The following UBR2 variants were observed in gnomAD, a reference collection of about 807,000 sequenced individuals.
UBR2 encodes the protein ubiquitin protein ligase E3 component n-recognin 2.
UBR2 carries 92 observed loss-of-function variants against 247.9 expected under a neutral mutation model. That is an observed-to-expected ratio of 0.37 (90% CI 0.31 to 0.44). The LOEUF is 0.44. Ranked by LOEUF, UBR2 falls within the 20% of genes least tolerant of loss-of-function variation. The pLI is 1.00. For missense variants in UBR2, 1,613 were observed against 2,112.6 expected (o/e 0.76, Z 4.64); for synonymous variants, 672 against 693.5 (o/e 0.97, Z 0.49).
intron 26 of UBR2, among the ~76,000 whole-genome samples, chr6:42,657,737 T>C (rs565451515): frequency 6.6e-6 from 1 of 152,358 alleles, no homozygotes; most frequent in South Asian, 2.1e-4. Flanking sequence ...ACACCACTTA[T>C]TTTTAGCTGA....
chr6:42,615,008 T>A, intron 8 of UBR2, 63 bp from the exon 9 acceptor site: 2 of 1,431,558 alleles, frequency 1.4e-6, no homozygotes, highest in Admixed American at 3.8e-5. Flanking sequence ...GAACATCTAC[T>A]AAAATGTCAC....
At chr6:42,646,367 A>G (rs1796752148) in intron 21 of UBR2, among the ~76,000 whole-genome samples, 1 of 152,216 alleles carries the variant, frequency 6.6e-6, no homozygotes, top group Non-Finnish European at 1.5e-5. Context: ...TCAAACATCT[A>G]TAGAGATTAA....
chr6:42,659,830 C>G lies in UBR2; in HGVS notation c.3417C>G (p.Asn1139Lys). Residue 1139 changes from asparagine to lysine, a missense_variant, in exon 30 of 47, where the codon AAC becomes AAG. This residue lies in a region of UBR2 where 1,524 missense variants were observed against 1,967.3 expected (regional missense o/e 0.77). Coordinates refer to ENST00000372901, the MANE Select transcript of UBR2 (RefSeq NM_001363705.2). The surrounding 1 kb of genome is among the most constrained non-coding windows in gnomAD (Gnocchi z 4.3). ...AGAGATCAACTGTATTATCAAAAAACAGAAGTAAATTTATTCAAGATCCAG... is the reference window on the plus strand; with the variant it reads ...AGAGATCAACTGTATTATCAAAAAAGAGAAGTAAATTTATTCAAGATCCAG... ...FVQRSTVLSKNRSKFIQDPEK... is the reference protein window; with the variant it reads ...FVQRSTVLSKKRSKFIQDPEK... 1 of 1,614,132 alleles carries G rather than the reference C, an allele frequency of 6.2e-7. No individual in the cohort carries two copies. Among genetic ancestry groups the G allele is most frequent in the Non-Finnish European group, 8.5e-7 (1 of 1,180,002 alleles).
chr6:42,655,292 A>G (rs1797373122), intron 25 of UBR2, among the ~76,000 whole-genome samples: 1 of 152,134 alleles, frequency 6.6e-6, no homozygotes, highest in Admixed American at 6.5e-5. Flanking sequence ...AGCCTGGCCA[A>G]CATGGTGAAA....
chr6:42,661,271 A>T (rs1797788669), intron 30 of UBR2, among the ~76,000 whole-genome samples: 1 of 152,088 alleles, frequency 6.6e-6, no homozygotes, highest in Non-Finnish European at 1.5e-5. Flanking sequence ...CTGGGCGACA[A>T]AGCGAGACTG....
At chr6:42,662,497 A>G (rs974188508) in intron 31 of UBR2, among the ~76,000 whole-genome samples, 1 of 152,236 alleles carries the variant, frequency 6.6e-6, no homozygotes, top group Non-Finnish European at 1.5e-5. Flanking sequence ...AGTCTCTTCT[A>G]TATCTTCCAA....
intron 46 of UBR2, among the ~76,000 whole-genome samples, chr6:42,690,680 GC>G (rs1331987330): frequency 6.6e-6 from 1 of 151,836 alleles, no homozygotes; most frequent in Non-Finnish European, 1.5e-5. Flanking sequence ...GTTCTCCTCT[GC>G]CCTCTTCCCT....
chr6:42,683,084 A>T lies in UBR2; in HGVS notation c.4748A>T (p.Tyr1583Phe). The T allele has an allele frequency of 1.2e-6, 2 of 1,612,866 alleles. No individual in the cohort carries two copies. Among genetic ancestry groups the T allele is most frequent in the Non-Finnish European group, 1.7e-6 (2 of 1,179,556 alleles). Residue 1583 changes from tyrosine (Y) to phenylalanine (F), a missense_variant, in exon 43 of 47, where the codon TAT becomes TTT. Transcript: ENST00000372901. ...TGCCGTAACAGTGAAGTTAAAAGAT[A>T]TCTAGAAGGTGAAAGAGATGCTATA... ...SWCRNSEVKR[Y>F]LEGERDAIRY...
intron 2 of UBR2, among the ~76,000 whole-genome samples, chr6:42,587,353 T>A (rs1283648490): frequency 6.6e-6 from 1 of 152,076 alleles, no homozygotes; most frequent in Non-Finnish European, 1.5e-5. Flanking sequence ...TTCTTTTAAT[T>A]TTTTTTCTTT....
intron 22 of UBR2, among the ~76,000 whole-genome samples, chr6:42,648,985 A>C (rs906222098): frequency 1.2e-4 from 19 of 152,080 alleles, no homozygotes; most frequent in African/African-American, 4.1e-4. Flanking sequence ...GTTTTTACAT[A>C]ATATACTTTG....
chr6:42,646,814 T>TAGAGAGAG (rs1194562995), intron 21 of UBR2, among the ~76,000 whole-genome samples: 6 of 146,854 alleles, frequency 4.1e-5, no homozygotes, highest in Non-Finnish European at 6.0e-5. Context: ...TGTTTATATA[T>TAGAGAGAG]ATATATAGAG....
chr6:42,642,285 T>C (rs1796495237), intron 17 of UBR2, 131 bp from the exon 18 acceptor site: 4 of 654,618 alleles, frequency 6.1e-6, no homozygotes, highest in Non-Finnish European at 1.1e-5. Flanking sequence ...ACTAAGATAA[T>C]GTTAATTGTT....
At position 42,596,448 on chromosome 6, in the gene UBR2, A is replaced by T. The variant is rs150368074; in HGVS notation, c.531+2144A>T. 3.5e-3 allele frequency among the ~76,000 whole-genome samples: 537 copies of T among 152,194 alleles called. 3 individuals carry two copies. Among genetic ancestry groups the T allele is most frequent in the Middle Eastern group, 0.024 (7 of 294 alleles). The stretch of plus-strand genomic sequence containing the variant: ...GGAAAACAGTTTGGCTGTTCCTCAA[A>T]ATATTAAACATTACCGTATATTTCA... On this transcript the variant is annotated intron_variant, in intron 4 of 46. Transcript: ENST00000372901.
chr6:42,689,657 G>A lies in UBR2; in HGVS notation c.5113G>A (p.Asp1705Asn), dbSNP rs545959613. 8 of 1,613,956 alleles carry A rather than the reference G, an allele frequency of 5.0e-6. No individual in the cohort carries two copies. The highest frequency in any genetic ancestry group is 6.8e-6 in the Non-Finnish European group (8 of 1,179,936). The change falls in exon 46 of 47, where the codon GAC becomes AAC. Residue 1705 changes from aspartate to asparagine, a missense_variant. Asp to Asn is a conservative substitution (Grantham distance 23). This residue lies in a region of UBR2 where 80 missense variants were observed against 108.6 expected (regional missense o/e 0.74). Transcript: ENST00000372901. The surrounding 1 kb of genome is among the most constrained non-coding windows in gnomAD (Gnocchi z 4.0). ...PPYLDDYGET[D>N]QGLRRGNPLH... is the part of the protein sequence containing the mutation. The stretch of plus-strand genomic sequence containing the variant: ...TTACCTTGATGACTATGGGGAGACC[G>A]ACCAGGGACTCAGGTAAGAACCCAT...
At position 42,605,848 on chromosome 6, in the gene UBR2, G is replaced by A. The variant is rs1163384120; in HGVS notation, c.790G>A (p.Val264Ile). 22 of 1,607,530 alleles carry A rather than the reference G, an allele frequency of 1.4e-5. No individual in the cohort carries two copies. The highest frequency in any genetic ancestry group is 1.8e-5 in the Non-Finnish European group (21 of 1,178,248). The change falls in exon 6 of 47, where the codon GTA becomes ATA. Residue 264 changes from valine to isoleucine, a missense_variant. By Grantham distance (29) the Val-to-Ile change is conservative (BLOSUM62 3). This residue lies in a region of UBR2 where 1,524 missense variants were observed against 1,967.3 expected (regional missense o/e 0.77). Coordinates refer to ENST00000372901, the MANE Select transcript of UBR2 (RefSeq NM_001363705.2). ...AGAAGCTATTGGTTTTGCAACTACA[G>A]TAGATCGAGATGTAAGTAATTTTAC... ...QKEAIGFATT[V>I]DRDGRRSVRY...
chr6:42,665,261 A>G lies in UBR2; in HGVS notation c.3699-148A>G, dbSNP rs1798041049. The G allele has an allele frequency of 7.4e-6, 4 of 543,584 alleles. No homozygotes were observed. The South Asian group carries it at 1.3e-4, about 18-fold the overall frequency. 33.7% of individuals were successfully genotyped at this position (543,584 alleles called of 1,614,324 possible). ...TTCCTTTCCATTGGCCAATATCCTGATTTTTTTTAATGCAACAAATTTTCC... is the reference window on the plus strand; with the variant it reads ...TTCCTTTCCATTGGCCAATATCCTGGTTTTTTTTAATGCAACAAATTTTCC... On this transcript the variant is annotated intron_variant, in intron 32 of 46. Coordinates refer to ENST00000372901, the MANE Select transcript of UBR2 (RefSeq NM_001363705.2).
intron 43 of UBR2, among the ~76,000 whole-genome samples, chr6:42,683,599 T>C (rs950009131): frequency 2.0e-5 from 3 of 152,218 alleles, no homozygotes; most frequent in Non-Finnish European, 2.9e-5. Flanking sequence ...CCTAACAAGA[T>C]GTGTCTCAAT....
chr6:42,622,000 T>C (rs1795018369), intron 11 of UBR2, among the ~76,000 whole-genome samples: 1 of 152,128 alleles, frequency 6.6e-6, no homozygotes, highest in East Asian at 1.9e-4. Flanking sequence ...GTTGTCATTA[T>C]AGAGGGCTTC....
At chr6:42,631,891 A>ATATATATATATATATATATATATATAT (rs752152787) in intron 11 of UBR2, among the ~76,000 whole-genome samples, 3 of 114,080 alleles carry the variant, frequency 2.6e-5, no homozygotes, top group African/African-American at 6.9e-5. Flanking sequence ...TATATATATA[A>ATATATATATATATATATATATATATAT]ATACAGGTTC....
Sources: allele counts gnomAD v4.1 joint callset (sites outside exome capture counted in the v4.1 genomes callset), GRCh38; gene constraint gnomAD v4.1.1; regional missense constraint gnomAD v4.1.1; non-coding constraint Gnocchi (gnomAD v3.1); transcripts MANE v1.5; gene names NCBI Gene and HGNC (gene_info 2026-07-23, HGNC 2026-07-21).